IRAK3: variants seen among roughly 807,000 people sequenced by gnomAD.
IRAK3 encodes the protein interleukin 1 receptor associated kinase 3, also known as interleukin-1 receptor-associated kinase 3.
IRAK3 carries 57 observed loss-of-function variants against 56.6 expected under a neutral mutation model. The observed-to-expected ratio is 1.01, with a 90% CI of 0.81 to 1.26. IRAK3 has a LOEUF of 1.26. IRAK3 is among the 50% of genes most tolerant of loss of function. The pLI is 0.00. For missense variants in IRAK3, 703 were observed against 719.0 expected (o/e 0.98, Z 0.25); for synonymous variants, 258 against 255.7 (o/e 1.01, Z -0.09).
chr12:66,247,543 A>G (rs959385506), intron 11 of IRAK3, 152 bp from the exon 12 acceptor site: 14 of 631,956 alleles, frequency 2.2e-5, no homozygotes, highest in African/African-American at 5.5e-5. Context: ...AAAGGGCGTT[A>G]GCTAATCTTT....
intron 5 of IRAK3, among the ~76,000 whole-genome samples, chr12:66,214,645 C>T (rs2052649418): frequency 6.6e-6 from 1 of 152,046 alleles, no homozygotes; most frequent in Non-Finnish European, 1.5e-5. Flanking sequence ...AGGGTATAAA[C>T]CCGTGTTCCC....
chr12:66,235,052 A>T, intron 8 of IRAK3: 6 of 1,613,344 alleles, frequency 3.7e-6, no homozygotes, highest in Non-Finnish European at 5.1e-6. Flanking sequence ...TGGTTGACAG[A>T]GCTTCACCAG....
chr12:66,199,424 C>G (rs968209143), intron 1 of IRAK3, among the ~76,000 whole-genome samples: 10 of 152,232 alleles, frequency 6.6e-5, no homozygotes, highest in Admixed American at 2.0e-4. Context: ...GCAGGATAGT[C>G]TGCGGGGCTC....
In IRAK3 at chr12:66,244,014, G is replaced by T. The variant is rs1306233063; in HGVS notation, c.888-472G>T. Among the ~76,000 whole-genome samples the T allele has an allele frequency of 2.6e-5, 4 of 152,206 alleles. No individual in the cohort carries two copies. In the South Asian group the frequency reaches 6.2e-4, roughly 24 times the overall value. ...ACCATGGGATAGGGCTGCCATGAGG[G>T]CAGGGACTACCAAAGAGTCCTCAAA... On this transcript the variant is annotated intron_variant, in intron 8 of 11. Transcript: ENST00000261233.
intron 8 of IRAK3, among the ~76,000 whole-genome samples, chr12:66,242,392 CTT>C (rs529546936): frequency 3.3e-5 from 5 of 152,206 alleles, no homozygotes; most frequent in Non-Finnish European, 7.3e-5. Context: ...CTGACAGTCT[CTT>C]CTTATCTAGA....
intron 5 of IRAK3, among the ~76,000 whole-genome samples, chr12:66,212,028 T>C (rs1468767191): frequency 6.6e-6 from 1 of 151,712 alleles, no homozygotes; most frequent in East Asian, 1.9e-4. Flanking sequence ...GGAGAATCGC[T>C]TGAGCACAGG....
chr12:66,196,422 C>T (rs1317055937), intron 1 of IRAK3, among the ~76,000 whole-genome samples: 1 of 152,094 alleles, frequency 6.6e-6, no homozygotes, highest in Non-Finnish European at 1.5e-5. Context: ...AAAAGTTTAA[C>T]AAGGGAAGAA....
intron 11 of IRAK3, among the ~76,000 whole-genome samples, chr12:66,247,269 CAA>C (rs5798813): frequency 1.3e-5 from 2 of 151,430 alleles, no homozygotes; most frequent in East Asian, 3.9e-4. Context: ...GACTCCATCT[CAA>C]AAAAAAACAA....
At chr12:66,242,151 G>C (rs1435774461) in intron 8 of IRAK3, among the ~76,000 whole-genome samples, 5 of 152,108 alleles carry the variant, frequency 3.3e-5, no homozygotes, top group African/African-American at 4.8e-5. Flanking sequence ...CCCTCCCCCT[G>C]TGCTGAAATG....
At chr12:66,192,488 A>G (rs1369564108) in intron 1 of IRAK3, among the ~76,000 whole-genome samples, 1 of 152,186 alleles carries the variant, frequency 6.6e-6, no homozygotes, top group African/African-American at 2.4e-5. Context: ...TTGGTATTTA[A>G]ATTAAATTAT....
intron 6 of IRAK3, among the ~76,000 whole-genome samples, chr12:66,220,614 G>A (rs1168645): frequency 0.6 from 84,272 of 140,074 alleles, 25,575 homozygotes; most frequent in Admixed American, 0.67. Flanking sequence ...TCCGCCTCCC[G>A]GGTTCACGCC....
intron 11 of IRAK3, among the ~76,000 whole-genome samples, chr12:66,245,722 G>A (rs184921664): frequency 7.2e-4 from 109 of 151,618 alleles, no homozygotes; most frequent in Non-Finnish European, 9.7e-4. Flanking sequence ...TAATAGAGGC[G>A]GGGTTTCACA....
chr12:66,244,422 T>C (rs2053005100), intron 8 of IRAK3, 64 bp from the exon 9 acceptor site: 2 of 1,200,306 alleles, frequency 1.7e-6, no homozygotes, highest in East Asian at 2.3e-5. Context: ...GTTTATAGTA[T>C]GTTTGTTTAC....
chr12:66,213,880 G>A (rs1330588865), intron 5 of IRAK3, among the ~76,000 whole-genome samples: 1 of 151,982 alleles, frequency 6.6e-6, no homozygotes, highest in East Asian at 1.9e-4. Context: ...TCAGTAAACA[G>A]TTCTCAAAAA....
chr12:66,230,029 G>A (rs969636308), intron 8 of IRAK3, among the ~76,000 whole-genome samples: 1 of 152,190 alleles, frequency 6.6e-6, no homozygotes, highest in African/African-American at 2.4e-5. Context: ...AGGTGTTGGG[G>A]TTTTGGCTCT....
chr12:66,197,279 CTGTATTT>C, intron 1 of IRAK3: 3 of 1,130,516 alleles, frequency 2.7e-6, no homozygotes, highest in Non-Finnish European at 3.2e-6. Context: ...GAACTTTTCT[CTGTATTT>C]TTATTTGATA....
intron 1 of IRAK3, among the ~76,000 whole-genome samples, chr12:66,194,414 T>G (rs1272072550): frequency 6.6e-6 from 1 of 152,186 alleles, no homozygotes. Flanking sequence ...CCATTGAAAG[T>G]CCTGTCATCT....
At chr12:66,214,653 C>G (rs2052649713) in intron 5 of IRAK3, among the ~76,000 whole-genome samples, 1 of 151,988 alleles carries the variant, frequency 6.6e-6, no homozygotes. Context: ...AACCCGTGTT[C>G]CCAACCCTGA....
Position 66,248,361 on chromosome 12 carries a change from A to T in IRAK3, c.*190A>T, listed in dbSNP as rs2053059258. 3.8e-6 allele frequency: 2 copies of T among 533,236 alleles called. No homozygotes were observed. The highest frequency in any genetic ancestry group is 5.6e-5 in the South Asian group (2 of 35,534). 33.0% of individuals were successfully genotyped at this position (533,236 alleles called of 1,614,324 possible). On this transcript the variant is annotated 3_prime_UTR_variant, in exon 12 of 12. Coordinates refer to ENST00000261233, the MANE Select transcript of IRAK3 (RefSeq NM_007199.3). ...AACCCTCAAACAGAGTGCCTTAAAAAATTGTTTTATCAGGATAATTGTCTC... is the reference window on the plus strand; with the variant it reads ...AACCCTCAAACAGAGTGCCTTAAAATATTGTTTTATCAGGATAATTGTCTC...
Sources: allele counts gnomAD v4.1 joint callset (sites outside exome capture counted in the v4.1 genomes callset), GRCh38; gene constraint gnomAD v4.1.1; transcripts MANE v1.5; gene names NCBI Gene and HGNC (gene_info 2026-07-23, HGNC 2026-07-21).